The following TFEC variants were observed in gnomAD, a reference collection of about 807,000 sequenced individuals.
The protein encoded by TFEC is class E basic helix-loop-helix protein 34.
A neutral mutation model predicts 41.6 loss-of-function variants in TFEC; 31 were observed. That is an observed-to-expected ratio of 0.74 (90% CI 0.56 to 1.01). The LOEUF (loss-of-function observed/expected upper bound fraction) is 1.01, where lower values mean the gene tolerates loss of function less well. TFEC is among the 50% of genes least tolerant of loss of function. The probability of loss-of-function intolerance (pLI) is 0.00; values close to 1 mark genes in which losing one functional copy is unlikely to be tolerated. For synonymous variants in TFEC, 143 were observed against 140.6 expected (o/e 1.02, Z -0.12); for missense variants, 402 against 404.1 (o/e 0.99, Z 0.04).
At chr7:116,044,823 C>A (rs1447814388) in intron 3 of TFEC, among the ~76,000 whole-genome samples, 2 of 152,238 alleles carry the variant, frequency 1.3e-5, no homozygotes, top group East Asian at 3.8e-4. Context: ...AAATACTCCA[C>A]TGGGACAGGC....
At chr7:116,107,096 T>G (rs1410898674) in intron 3 of TFEC, among the ~76,000 whole-genome samples, 1 of 152,172 alleles carries the variant, frequency 6.6e-6, no homozygotes. Flanking sequence ...AGATGCGATT[T>G]AAGAGAACTA....
chr7:116,067,235 G>A (rs1238524367), intron 3 of TFEC, among the ~76,000 whole-genome samples: 1 of 151,832 alleles, frequency 6.6e-6, no homozygotes, highest in Non-Finnish European at 1.5e-5. Flanking sequence ...ATTTTACTCA[G>A]GATTCCCTCA....
At chr7:115,949,251 T>G (rs1272023101) in intron 6 of TFEC, among the ~76,000 whole-genome samples, 4 of 152,020 alleles carry the variant, frequency 2.6e-5, no homozygotes, top group East Asian at 3.9e-4. Context: ...GAAGAATCAA[T>G]ATCGTGAAAA....
intron 1 of TFEC, among the ~76,000 whole-genome samples, chr7:116,154,871 T>G (rs2116484551): frequency 6.6e-6 from 1 of 152,260 alleles, no homozygotes; most frequent in Non-Finnish European, 1.5e-5. Flanking sequence ...AATTCTCTCT[T>G]TGTTTTGTGG....
intron 3 of TFEC, among the ~76,000 whole-genome samples, chr7:116,071,503 T>C (rs1032088197): frequency 4.6e-5 from 7 of 151,376 alleles, no homozygotes; most frequent in Non-Finnish European, 1.0e-4. Context: ...AAGAATAAGT[T>C]GTTAAATTAT....
intron 2 of TFEC, among the ~76,000 whole-genome samples, chr7:115,976,277 T>A (rs1793374527): frequency 6.6e-6 from 1 of 151,746 alleles, no homozygotes; most frequent in African/African-American, 2.4e-5. Flanking sequence ...ATACAAAAAT[T>A]AGCCAGGCGT....
At chr7:116,140,950 A>G (rs539945490) in intron 1 of TFEC, among the ~76,000 whole-genome samples, 63 of 152,344 alleles carry the variant, frequency 4.1e-4, no homozygotes, top group Non-Finnish European at 7.9e-4. Context: ...CACCATCCAG[A>G]TATCAGCCAT....
upstream of TFEC, among the ~76,000 whole-genome samples, chr7:116,032,709 A>C (rs1449150720): frequency 1.3e-5 from 2 of 152,128 alleles, no homozygotes; most frequent in Non-Finnish European, 2.9e-5. Context: ...GAGTGAGAGG[A>C]TCAGGAAAAA....
intron 3 of TFEC, chr7:115,968,138 G>A (rs2130552169): frequency 2.7e-6 from 4 of 1,499,296 alleles, no homozygotes; most frequent in Non-Finnish European, 3.5e-6. Flanking sequence ...TATTTAAGGT[G>A]GTTTCATCTC....
intron 3 of TFEC, among the ~76,000 whole-genome samples, chr7:116,059,226 C>A (rs993406456): frequency 6.6e-6 from 1 of 151,826 alleles, no homozygotes; most frequent in African/African-American, 2.4e-5. Context: ...GTGTATATGA[C>A]AACTTCATGC....
chr7:116,062,599 A>ATATATATG (rs1400618373), intron 3 of TFEC, among the ~76,000 whole-genome samples: 19 of 120,026 alleles, frequency 1.6e-4, no homozygotes, highest in Non-Finnish European at 2.6e-4. Context: ...ATATATATAT[A>ATATATATG]TCACATTTTT....
At chr7:115,941,151 T>A (rs1466679704) in intron 7 of TFEC, 4 of 490,742 alleles carry the variant, frequency 8.2e-6, no homozygotes, top group African/African-American at 2.0e-5. Flanking sequence ...AAGTTTGGTC[T>A]CATTGTTCTA....
At chr7:116,106,539 C>T (rs150434482) in intron 3 of TFEC, among the ~76,000 whole-genome samples, 19 of 152,212 alleles carry the variant, frequency 1.2e-4, no homozygotes, top group East Asian at 7.7e-4. Flanking sequence ...CATGCCACTA[C>T]GCCCAGCTAA....
At chr7:116,003,722 A>G (rs1436024023) in intron 1 of TFEC, among the ~76,000 whole-genome samples, 3 of 152,202 alleles carry the variant, frequency 2.0e-5, no homozygotes, top group Non-Finnish European at 4.4e-5. Context: ...GTACCAAGAT[A>G]GACCACATTC....
At position 115,936,164 on chromosome 7, in the gene TFEC, C is replaced by T. The variant is rs1486568436; in HGVS notation, c.*4387G>A. On this transcript the variant is annotated 3_prime_UTR_variant, in exon 8 of 8. Coordinates refer to ENST00000265440, the MANE Select transcript of TFEC (RefSeq NM_012252.4). ...AATAAAACATTGGAACATCAATGCACAATGATTACAGGAGGCTCATGTAAC... is the reference window on the plus strand; with the variant it reads ...AATAAAACATTGGAACATCAATGCATAATGATTACAGGAGGCTCATGTAAC... The T allele has an allele frequency of 6.6e-6, 1 of 151,536 alleles. No homozygotes were observed. The highest frequency in any genetic ancestry group is 1.5e-5 in the Non-Finnish European group (1 of 67,610). 9.4% of individuals were successfully genotyped at this position (151,536 alleles called of 1,614,324 possible).
chr7:115,969,186 A>G (rs535554795), intron 3 of TFEC, among the ~76,000 whole-genome samples: 1 of 151,990 alleles, frequency 6.6e-6, no homozygotes, highest in South Asian at 2.1e-4. Context: ...GCTGGGTACT[A>G]ACAACAACAA....
At chr7:115,998,694 T>A (rs1794465819) in intron 1 of TFEC, among the ~76,000 whole-genome samples, 1 of 151,784 alleles carries the variant, frequency 6.6e-6, no homozygotes. Context: ...TAATAATAGA[T>A]AAAGTAGATT....
intron 3 of TFEC, among the ~76,000 whole-genome samples, chr7:116,074,965 A>G (rs1240019818): frequency 1.3e-5 from 2 of 152,206 alleles, no homozygotes; most frequent in African/African-American, 2.4e-5. Context: ...GTTCTGATAC[A>G]TGACATCCTA....
chr7:115,959,884 C>T (rs1792440928), intron 3 of TFEC, among the ~76,000 whole-genome samples: 1 of 151,338 alleles, frequency 6.6e-6, no homozygotes, highest in Non-Finnish European at 1.5e-5. Context: ...AACTAAATTA[C>T]AGATAACAGG....
Sources: gnomAD v4.1 joint callset for allele counts (sites outside exome capture counted in the v4.1 genomes callset) on GRCh38, gnomAD v4.1.1 for gene constraint, MANE v1.5 for transcripts, NCBI Gene and HGNC (gene_info 2026-07-23, HGNC 2026-07-21) for gene names.